Variants in EXTL3 observed in about 807,000 individuals in gnomAD.
EXTL3 encodes exostosin like glycosyltransferase 3.
A neutral mutation model predicts 69.3 loss-of-function variants in EXTL3; 27 were observed. The observed-to-expected ratio is 0.39, with a 90% CI of 0.29 to 0.54. EXTL3 has a LOEUF of 0.54. EXTL3 is among the 20% of genes least tolerant of loss of function. EXTL3 has a pLI of 0.69. For missense variants in EXTL3, 1,003 were observed against 1,231.8 expected, an observed-to-expected ratio of 0.81 and a Z score of 2.78; for synonymous variants, 511 against 499.4, an observed-to-expected ratio of 1.02 and a Z score of -0.31.
intron 1 of EXTL3, among the ~76,000 whole-genome samples, chr8:28,671,415 C>T (rs180737809): frequency 2.8e-5 from 4 of 143,508 alleles, no homozygotes; most frequent in Admixed American, 7.4e-5. Context: ...CTCAAGATTT[C>T]GGCAACCTCT....
intron 2 of EXTL3, among the ~76,000 whole-genome samples, chr8:28,714,540 A>G (rs2071615111): frequency 6.6e-6 from 1 of 152,224 alleles, no homozygotes; most frequent in Admixed American, 6.5e-5. Flanking sequence ...GTCAAGGATT[A>G]TACACCCTAG....
rs78362123 is a variant in EXTL3, at chr8:28,644,367, A to G, written c.-53+21557A>G. Among the ~76,000 whole-genome samples the G allele has an allele frequency of 7.5e-4, 114 of 152,286 alleles. 2 individuals are homozygous for G. The highest frequency in any genetic ancestry group is 2.7e-3 in the African/African-American group (111 of 41,560). ...CATTACTCTGGGTGTATGCTTGGAC[A>G]TAGAATCTCTGGAGTACAGTCTCAA... is the stretch of plus-strand genomic sequence containing the variant. On this transcript the variant is annotated intron_variant, in intron 1 of 6. Transcript: ENST00000523149.
intron 1 of EXTL3, among the ~76,000 whole-genome samples, chr8:28,631,143 C>CT (rs10659135): frequency 1.8e-3 from 257 of 144,476 alleles, no homozygotes; most frequent in East Asian, 3.0e-3. Context: ...TTAGAGAGGA[C>CT]TTTTTTTTTT....
intron 1 of EXTL3, among the ~76,000 whole-genome samples, chr8:28,630,537 A>C (rs1277618426): frequency 6.6e-6 from 1 of 152,218 alleles, no homozygotes; most frequent in Non-Finnish European, 1.5e-5. Context: ...CTTTGAAACC[A>C]CTTATCAAAC....
At chr8:28,657,162 T>C (rs189233753) in intron 1 of EXTL3, among the ~76,000 whole-genome samples, 47 of 152,248 alleles carry the variant, frequency 3.1e-4, no homozygotes, top group Non-Finnish European at 6.0e-4. Context: ...AGGCTGCTCT[T>C]GAACTCCTGA....
intron 3 of EXTL3, among the ~76,000 whole-genome samples, chr8:28,726,118 G>A (rs541142245): frequency 6.6e-6 from 1 of 152,146 alleles, no homozygotes; most frequent in African/African-American, 2.4e-5. Context: ...ACCACGCCCG[G>A]CTAATTTTTG....
At chr8:28,656,333 G>A (rs1301002931) in intron 1 of EXTL3, among the ~76,000 whole-genome samples, 1 of 151,976 alleles carries the variant, frequency 6.6e-6, no homozygotes, top group African/African-American at 2.4e-5. Flanking sequence ...ACCACACCCG[G>A]CTAATTTTTG....
chr8:28,672,295 A>G (rs934203246), intron 1 of EXTL3, among the ~76,000 whole-genome samples: 10 of 151,484 alleles, frequency 6.6e-5, no homozygotes, highest in Admixed American at 3.3e-4. Context: ...GTGGGCACCT[A>G]TAGTCCCAGC....
chr8:28,675,066 A>T (rs1807357647), intron 1 of EXTL3, among the ~76,000 whole-genome samples: 1 of 152,096 alleles, frequency 6.6e-6, no homozygotes. Flanking sequence ...TTGACTTTTT[A>T]AATTTCTACA....
chr8:28,626,453 AATG>A (rs1806492919), intron 1 of EXTL3, among the ~76,000 whole-genome samples: 1 of 152,142 alleles, frequency 6.6e-6, no homozygotes, highest in African/African-American at 2.4e-5. Flanking sequence ...TTAGGAAAGA[AATG>A]ATGAGGGTGC....
intron 1 of EXTL3, among the ~76,000 whole-genome samples, chr8:28,685,587 T>TA (rs1392255742): frequency 4.6e-5 from 7 of 152,012 alleles, no homozygotes; most frequent in African/African-American, 1.7e-4. Flanking sequence ...CTCCGCTTCC[T>TA]AAAGGGCTGG....
intron 1 of EXTL3, among the ~76,000 whole-genome samples, chr8:28,644,802 T>C (rs1430662467): frequency 6.6e-6 from 1 of 152,276 alleles, no homozygotes; most frequent in Non-Finnish European, 1.5e-5. Flanking sequence ...GGGCTTGTTG[T>C]ATGCTTCTGA....
chr8:28,745,017 T>C (rs1801860402), intron 6 of EXTL3, among the ~76,000 whole-genome samples: 1 of 152,016 alleles, frequency 6.6e-6, no homozygotes, highest in African/African-American at 2.4e-5. Flanking sequence ...CCCACCAGCA[T>C]GTACTAATAA....
chr8:28,677,232 T>G (rs540909855), intron 1 of EXTL3, among the ~76,000 whole-genome samples: 1 of 152,308 alleles, frequency 6.6e-6, no homozygotes, highest in South Asian at 2.1e-4. Flanking sequence ...CTATGGTGCC[T>G]GCTTTTAGAA....
At chr8:28,739,569 G>A (rs912672475) in intron 5 of EXTL3, among the ~76,000 whole-genome samples, 12 of 152,102 alleles carry the variant, frequency 7.9e-5, no homozygotes, top group Non-Finnish European at 1.5e-4. Context: ...GGACTCAAGC[G>A]ATCTGCCCGC....
chr8:28,684,304 T>C (rs1050072808), intron 1 of EXTL3, among the ~76,000 whole-genome samples: 1 of 152,176 alleles, frequency 6.6e-6, no homozygotes, highest in Non-Finnish European at 1.5e-5. Flanking sequence ...AGCAGTGGGA[T>C]TGGTGGATCA....
At chr8:28,728,077 A>G (rs1450432954) in intron 3 of EXTL3, among the ~76,000 whole-genome samples, 1 of 152,146 alleles carries the variant, frequency 6.6e-6, no homozygotes. Flanking sequence ...TTCTGTACTG[A>G]GTGAATGCTA....
At chr8:28,679,185 C>T (rs1320939607) in intron 1 of EXTL3, among the ~76,000 whole-genome samples, 3 of 152,230 alleles carry the variant, frequency 2.0e-5, no homozygotes, top group East Asian at 1.9e-4. Flanking sequence ...TGCCGGTTCA[C>T]GCCTGTTATC....
rs1369665958 is a variant in EXTL3 at position 28,716,531 on chromosome 8, C to T, written c.472C>T (p.Arg158Ter). ...QNQPKLSLPI[R>*]LLPEKDDAGL... ...CCAGCCCAAGCTGTCCCTGCCCATC[C>T]GACTGCTCCCAGAGAAGGACGATGC... Residue 158 changes from arginine (R) to a stop codon, truncating the protein, a stop_gained, in exon 3 of 7, where the codon CGA becomes TGA. Transcript: ENST00000220562. LOFTEE classifies it high-confidence loss of function. This position sits in a 1 kb window ranked among gnomAD's most constrained non-coding sequence, Gnocchi z 7.1. 1.9e-6 allele frequency: 3 copies of T among 1,613,960 alleles called. No homozygotes were observed. Among genetic ancestry groups the T allele is most frequent in the African/African-American group, 1.3e-5 (1 of 74,924 alleles).
Sources: gnomAD v4.1 joint callset for allele counts (sites outside exome capture counted in the v4.1 genomes callset) on GRCh38, gnomAD v4.1.1 for gene constraint, Gnocchi (gnomAD v3.1) non-coding constraint, MANE v1.5 for transcripts, NCBI Gene and HGNC (gene_info 2026-07-23, HGNC 2026-07-21) for gene names.